ABHD5: variants seen among roughly 807,000 people sequenced by gnomAD.
ABHD5 encodes the protein 1-acylglycerol-3-phosphate O-acyltransferase ABHD5.
A neutral mutation model predicts 44.9 loss-of-function variants in ABHD5; 30 were observed. The ratio of observed to expected loss-of-function variants is 0.67; its 90% CI spans 0.50 to 0.91. The LOEUF is 0.91. Ranked by LOEUF, ABHD5 falls within the 40% of genes least tolerant of loss-of-function variation. The pLI, the probability that ABHD5 is intolerant of heterozygous loss-of-function variation, is 0.00. For missense variants in ABHD5, 399 were observed against 423.4 expected (o/e 0.94, Z 0.50); for synonymous variants, 167 against 147.0 (o/e 1.14, Z -0.99).
chr3:43,717,225 A>T (rs2149606193), intron 5 of ABHD5, among the ~76,000 whole-genome samples: 1 of 152,262 alleles, frequency 6.6e-6, no homozygotes, highest in Non-Finnish European at 1.5e-5. Flanking sequence ...AAGTGACAGC[A>T]AGATAGACCT....
chr3:43,724,833 A>G (rs577083769), downstream of ABHD5, among the ~76,000 whole-genome samples: 1 of 152,182 alleles, frequency 6.6e-6, no homozygotes, highest in Non-Finnish European at 1.5e-5. Flanking sequence ...GAGGATAAAT[A>G]TATACATGGG....
intron 3 of ABHD5, among the ~76,000 whole-genome samples, chr3:43,706,707 A>G (rs1336851170): frequency 6.6e-6 from 1 of 152,182 alleles, no homozygotes; most frequent in Non-Finnish European, 1.5e-5. Context: ...TCCTGCCTCC[A>G]AAACTGCCGG....
In ABHD5 at chr3:43,694,255, T is replaced by C. The variant is rs1176122143; in HGVS notation, c.47+3216T>C. ...GCCTGGGCGACAGAGCAAGACTCCG[T>C]CTCAAAAAAAAAAAAAAAAAAAAAG... On this transcript the variant is annotated intron_variant, in intron 1 of 6. Transcript: ENST00000644371. 3.2e-5 allele frequency among the ~76,000 whole-genome samples: 4 copies of C among 123,292 alleles called. No homozygotes were observed. The Admixed American group carries it at 3.5e-4, about 11-fold the overall frequency. 80.9% of individuals were successfully genotyped at this position (123,292 alleles called of 152,430 possible). A position where few individuals can be genotyped will look rare whatever the true frequency, so the allele number is the denominator to read the frequency against.
intron 2 of ABHD5, among the ~76,000 whole-genome samples, chr3:43,701,683 C>G (rs1177349130): frequency 6.6e-6 from 1 of 152,176 alleles, no homozygotes; most frequent in Non-Finnish European, 1.5e-5. Context: ...TTTGAAATGA[C>G]TTAAGGTTTC....
rs1475495975 is a variant in ABHD5 at position 43,699,210 on chromosome 3, T to C, written c.48-66T>C. ...TCCTGTGCTGCCTTTCTTCTGTGCA[T>C]GTGACAATTGGTAGTTGAGAAGAGC... On this transcript the variant is annotated intron_variant, in intron 1 of 6. Transcript: ENST00000644371. The C allele has an allele frequency of 3.7e-6, 5 of 1,354,572 alleles. No homozygotes were observed. The South Asian group carries it at 5.8e-5, about 16-fold the overall frequency. 83.9% of individuals were successfully genotyped at this position (1,354,572 alleles called of 1,614,324 possible).
chr3:43,733,902 C>G (rs774099041), exon 8 of ABHD5: 1 of 152,202 alleles, frequency 6.6e-6, no homozygotes, highest in Non-Finnish European at 1.5e-5. Context: ...AAAACCATGT[C>G]TGAGAGCCAG....
intron 3 of ABHD5, among the ~76,000 whole-genome samples, chr3:43,710,704 T>C (rs898637720): frequency 2.0e-5 from 3 of 152,266 alleles, no homozygotes; most frequent in Admixed American, 6.5e-5. Flanking sequence ...TTTTAGATTC[T>C]TTACCTTTCT....
At chr3:43,706,606 C>T (rs565712245) in intron 3 of ABHD5, among the ~76,000 whole-genome samples, 3 of 152,128 alleles carry the variant, frequency 2.0e-5, no homozygotes, top group African/African-American at 7.2e-5. Flanking sequence ...GGTGTGCCAC[C>T]ATGCCTGGGT....
rs182509513 is a variant in ABHD5, at chr3:43,721,668, A to G, written c.*3136A>G. On this transcript the variant is annotated 3_prime_UTR_variant, in exon 7 of 7. Transcript: ENST00000644371. ...CAGGAGTTTGAGGATGCAGTAAGCC[A>G]CTGCACTCCAGCCTGGGTGACAGAG... 6.6e-6 allele frequency: 1 copy of G among 152,142 alleles called. No homozygotes were observed. The highest frequency in any genetic ancestry group is 6.5e-5 in the Admixed American group (1 of 15,268). 9.4% of individuals were successfully genotyped at this position (152,142 alleles called of 1,614,324 possible).
intron 2 of ABHD5, among the ~76,000 whole-genome samples, chr3:43,701,174 T>C (rs1287931396): frequency 6.6e-6 from 1 of 152,196 alleles, no homozygotes; most frequent in Non-Finnish European, 1.5e-5. Flanking sequence ...TTTATGGGAA[T>C]ACACAGACGT....
chr3:43,723,413 G>C (rs1400747717), downstream of ABHD5, among the ~76,000 whole-genome samples: 2 of 152,326 alleles, frequency 1.3e-5, no homozygotes, highest in East Asian at 3.9e-4. Context: ...AACAGATCCA[G>C]CTGCTAAAAG....
At chr3:43,731,119 C>A (rs1481986459) in intron 7 of ABHD5, among the ~76,000 whole-genome samples, 1 of 152,170 alleles carries the variant, frequency 6.6e-6, no homozygotes, top group Non-Finnish European at 1.5e-5. Context: ...TGAGCCACTG[C>A]GCCCGGCCCT....
chr3:43,700,574 G>T (rs918009458), intron 2 of ABHD5, among the ~76,000 whole-genome samples: 12 of 148,894 alleles, frequency 8.1e-5, no homozygotes, highest in Non-Finnish European at 1.6e-4. Flanking sequence ...CATCTTTCAT[G>T]AATTTTTTTT....
chr3:43,715,140 T>G (rs1003945862), intron 5 of ABHD5, 82 bp downstream of exon 5: 3 of 968,188 alleles, frequency 3.1e-6, no homozygotes, highest in Non-Finnish European at 4.9e-6. Context: ...TTTTAGACTA[T>G]TTTTTTTAAA....
intron 1 of ABHD5, 100 bp downstream of exon 1, chr3:43,691,139 C>T (rs2084369481): frequency 8.2e-7 from 1 of 1,218,550 alleles, no homozygotes. Context: ...TCGCCGCCCG[C>T]CTGGCGACGA....
At position 43,721,704 on chromosome 3, in the gene ABHD5, A is replaced by T. The variant is rs913811179; in HGVS notation, c.*3172A>T. ...GCCTGGGTGACAGAGAAGAAAAAAGATTTTTTTGGATAGCTGAAAATATTT... is the reference window on the plus strand; with the variant it reads ...GCCTGGGTGACAGAGAAGAAAAAAGTTTTTTTTGGATAGCTGAAAATATTT... On this transcript the variant is annotated 3_prime_UTR_variant, in exon 7 of 7. Transcript: ENST00000644371. 2.0e-5 allele frequency: 3 copies of T among 152,092 alleles called. No homozygotes were observed. The highest frequency in any genetic ancestry group is 7.2e-5 in the African/African-American group (3 of 41,420). The allele number at this position is 152,092 out of a possible 1,614,324, so 9.4% of individuals were successfully genotyped here.
chr3:43,692,543 G>A (rs546172417), intron 1 of ABHD5, among the ~76,000 whole-genome samples: 33 of 152,338 alleles, frequency 2.2e-4, no homozygotes, highest in African/African-American at 7.5e-4. Context: ...CTTAGCAGCT[G>A]ATCAGCCATA....
downstream of ABHD5, among the ~76,000 whole-genome samples, chr3:43,726,521 A>G (rs2084878873): frequency 6.6e-6 from 1 of 152,170 alleles, no homozygotes; most frequent in Non-Finnish European, 1.5e-5. Flanking sequence ...TCCTGTCTGT[A>G]TGGCGTCTTC....
chr3:43,714,525 AT>A (rs1256883660), intron 4 of ABHD5, among the ~76,000 whole-genome samples: 1 of 152,042 alleles, frequency 6.6e-6, no homozygotes, highest in Non-Finnish European at 1.5e-5. Flanking sequence ...AGCTGAATTT[AT>A]TTTCACACAG....
Sources: gnomAD v4.1 joint callset for allele counts (sites outside exome capture counted in the v4.1 genomes callset) on GRCh38, gnomAD v4.1.1 for gene constraint, MANE v1.5 for transcripts, NCBI Gene and HGNC (gene_info 2026-07-23, HGNC 2026-07-21) for gene names.